Variants in COLEC12 observed in about 807,000 individuals in gnomAD.
COLEC12 encodes the protein collectin subfamily member 12.
In COLEC12, 33 loss-of-function variants were observed where a neutral mutation model predicts 71.1. That is an observed-to-expected ratio of 0.46 (90% CI 0.35 to 0.62). The LOEUF is 0.62. COLEC12 is among the 20% of genes least tolerant of loss of function. COLEC12 has a pLI of 0.00. For synonymous variants in COLEC12, 350 were observed against 353.0 expected (o/e 0.99, Z 0.10); for missense variants, 765 against 916.1 (o/e 0.84, Z 2.13).
intron 8 of COLEC12, among the ~76,000 whole-genome samples, chr18:322,182 T>A (rs1047092601): frequency 1.1e-5 from 1 of 93,074 alleles, no homozygotes; most frequent in Non-Finnish European, 2.1e-5. Context: ...CTATTCATTA[T>A]GAGGACATGA....
rs191362236 is a variant in COLEC12 at position 360,246 on chromosome 18, G to A, written c.59-2724C>T. 1.3e-3 allele frequency among the ~76,000 whole-genome samples: 202 copies of A among 150,536 alleles called. 1 individual carries two copies. Among genetic ancestry groups the A allele is most frequent in the African/African-American group, 4.2e-3 (174 of 40,950 alleles). On this transcript the variant is annotated intron_variant, in intron 2 of 9. Transcript: ENST00000400256. ...TGCCCAGGCTGGAGTGCAGTGGCACGATCTCGGCTCACTGCAACCTCTGCC... is the reference window on the plus strand; with the variant it reads ...TGCCCAGGCTGGAGTGCAGTGGCACAATCTCGGCTCACTGCAACCTCTGCC...
rs1017411114 is a variant in COLEC12 at position 393,628 on chromosome 18, T to C, written c.59-36106A>G. ...CCTACGCATGTTCCTCTGCCTGGAA[T>C]ACCCTTTGCCTGTCTTTTAGATAAG... On this transcript the variant is annotated intron_variant, in intron 2 of 9. Coordinates refer to ENST00000400256, the MANE Select transcript of COLEC12 (RefSeq NM_130386.3). Among the ~76,000 whole-genome samples the C allele has an allele frequency of 4.8e-4, 73 of 152,350 alleles. 2 individuals are homozygous for C. The highest frequency in any genetic ancestry group is 4.2e-3 in the Admixed American group (64 of 15,304).
chr18:441,525 G>C (rs1916535528), intron 2 of COLEC12, among the ~76,000 whole-genome samples: 1 of 152,106 alleles, frequency 6.6e-6, no homozygotes, highest in Non-Finnish European at 1.5e-5. Context: ...CTAGATTGGG[G>C]CATTCACGGC....
rs1372584033 is a variant in COLEC12, at chr18:332,436, CT to C, written c.1953+570del. Among the ~76,000 whole-genome samples, 5 of 152,318 alleles carry C rather than the reference CT, an allele frequency of 3.3e-5. No homozygotes were observed. In the East Asian group the frequency reaches 9.6e-4, roughly 29 times the overall value. On this transcript the variant is annotated intron_variant, in intron 7 of 9. Transcript: ENST00000400256. The stretch of plus-strand genomic sequence containing the variant: ...GATGGGCTGCAGTTTTGGTCTCAGT[CT>C]GCATAAACCTTGCCGGGCCTCAGTT...
chr18:355,402 G>A lies in COLEC12; in HGVS notation c.181+1998C>T, dbSNP rs74861817. On this transcript the variant is annotated intron_variant, in intron 3 of 9. Coordinates refer to ENST00000400256, the MANE Select transcript of COLEC12 (RefSeq NM_130386.3). Reference sequence around the variant, plus strand: ...TGGAGAGCAGAGAAAAGGTGCTGTGGGCAAATGGACCAGCACACGCACAAC... The same window carrying A: ...TGGAGAGCAGAGAAAAGGTGCTGTGAGCAAATGGACCAGCACACGCACAAC... 9.2e-5 allele frequency among the ~76,000 whole-genome samples: 14 copies of A among 152,198 alleles called. No individual in the cohort carries two copies. The East Asian group carries it at 2.1e-3, about 23-fold the overall frequency.
chr18:330,739 C>A (rs1490517509), intron 8 of COLEC12, among the ~76,000 whole-genome samples: 1 of 152,066 alleles, frequency 6.6e-6, no homozygotes, highest in East Asian at 1.9e-4. Flanking sequence ...TTCTTTGTTG[C>A]TCCTTTCATA....
At position 480,661 on chromosome 18, in the gene COLEC12, T is replaced by A; in HGVS notation, c.58+46A>T. 6.4e-7 allele frequency: 1 copy of A among 1,564,740 alleles called. No homozygotes were observed. The highest frequency in any genetic ancestry group is 8.8e-7 in the Non-Finnish European group (1 of 1,134,968). On this transcript the variant is annotated intron_variant, in intron 2 of 9. Transcript: ENST00000400256. This position sits in a 1 kb window ranked among gnomAD's most constrained non-coding sequence, Gnocchi z 4.1. ...TGGTCTCTGAGGGTTCGTGGCTGCA[T>A]CCCAGGTTGACCACTGAGAAGGAAC...
At chr18:389,419 C>T (rs1915415241) in intron 2 of COLEC12, among the ~76,000 whole-genome samples, 1 of 151,958 alleles carries the variant, frequency 6.6e-6, no homozygotes, top group Non-Finnish European at 1.5e-5. Context: ...GCTGGGACTA[C>T]AGGCGCCCGC....
intron 2 of COLEC12, among the ~76,000 whole-genome samples, chr18:358,401 G>A (rs1022541937): frequency 2.0e-5 from 3 of 152,134 alleles, no homozygotes; most frequent in Non-Finnish European, 2.9e-5. Context: ...GAAACAGTGG[G>A]AGCCCTGAGC....
At chr18:357,222 C>A (rs1428826358) in intron 3 of COLEC12, among the ~76,000 whole-genome samples, 178 bp downstream of exon 3, 1 of 152,158 alleles carries the variant, frequency 6.6e-6, no homozygotes, top group Non-Finnish European at 1.5e-5. Flanking sequence ...TACTATGTCC[C>A]CCCTTTCAGA....
intron 2 of COLEC12, among the ~76,000 whole-genome samples, chr18:418,857 T>C (rs751520823): frequency 3.3e-5 from 5 of 152,210 alleles, no homozygotes; most frequent in Admixed American, 1.3e-4. Flanking sequence ...GCAGTAGCCA[T>C]TCTTTCATTC....
At position 436,524 on chromosome 18, in the gene COLEC12, AAGG is replaced by A. The variant is rs796387297; in HGVS notation, c.58+44180_58+44182del. On this transcript the variant is annotated intron_variant, in intron 2 of 9. Transcript: ENST00000400256. The stretch of plus-strand genomic sequence containing the variant: ...CAGCGAGACTCCATCTCAAAAAAAA[AAGG>A]GGGGGGGGGGGGAAACAGGGGTGGC... 9.1e-3 allele frequency among the ~76,000 whole-genome samples: 289 copies of A among 31,616 alleles called. 2 individuals carry two copies. The highest frequency in any genetic ancestry group is 0.023 in the African/African-American group (279 of 12,260). The allele number at this position is 31,616 out of a possible 152,430, so 20.7% of individuals were successfully genotyped here.
At chr18:339,396 C>A (rs931033129) in intron 5 of COLEC12, among the ~76,000 whole-genome samples, 6 of 152,170 alleles carry the variant, frequency 3.9e-5, no homozygotes, top group Non-Finnish European at 5.9e-5. Flanking sequence ...TGACCTCAAA[C>A]GTGGATCCCA....
intron 2 of COLEC12, among the ~76,000 whole-genome samples, chr18:394,899 A>G (rs886331977): frequency 1.3e-5 from 2 of 152,188 alleles, no homozygotes; most frequent in African/African-American, 2.4e-5. Flanking sequence ...ACTTGTTTCC[A>G]TGTTGATGCC....
At chr18:364,118 C>T (rs887852621) in intron 2 of COLEC12, among the ~76,000 whole-genome samples, 1 of 152,090 alleles carries the variant, frequency 6.6e-6, no homozygotes, top group Non-Finnish European at 1.5e-5. Flanking sequence ...AGTTTGTTTT[C>T]ATTGAAATTT....
At chr18:459,652 G>A (rs982408531) in intron 2 of COLEC12, among the ~76,000 whole-genome samples, 3 of 152,204 alleles carry the variant, frequency 2.0e-5, no homozygotes, top group African/African-American at 4.8e-5. Flanking sequence ...TATGCACACC[G>A]CAATGCCTGT....
chr18:479,550 TCA>T (rs71174235), intron 2 of COLEC12, among the ~76,000 whole-genome samples: 1 of 149,304 alleles, frequency 6.7e-6, no homozygotes, highest in Non-Finnish European at 1.5e-5. Context: ...TCTCTCTCTC[TCA>T]CACACACACA....
At chr18:379,575 T>C (rs762429446) in intron 2 of COLEC12, among the ~76,000 whole-genome samples, 20 of 152,104 alleles carry the variant, frequency 1.3e-4, no homozygotes, top group Non-Finnish European at 2.1e-4. Context: ...GAGAAAGACC[T>C]AACTTCAGTG....
intron 2 of COLEC12, among the ~76,000 whole-genome samples, chr18:383,611 G>C (rs1434225430): frequency 1.3e-5 from 2 of 152,150 alleles, no homozygotes; most frequent in Non-Finnish European, 2.9e-5. Context: ...AGCTTACGGA[G>C]AGATCTATCC....
Sources: allele counts gnomAD v4.1 joint callset (sites outside exome capture counted in the v4.1 genomes callset), GRCh38; gene constraint gnomAD v4.1.1; non-coding constraint Gnocchi (gnomAD v3.1); transcripts MANE v1.5; gene names NCBI Gene and HGNC (gene_info 2026-07-23, HGNC 2026-07-21).